Variants in PLCH1 observed in about 807,000 individuals in gnomAD.
The protein encoded by PLCH1 is phospholipase C eta 1.
Under a neutral mutation model 126.7 loss-of-function variants are expected in PLCH1, and 60 were observed. That is an observed-to-expected ratio of 0.47 (90% CI 0.38 to 0.59). PLCH1 has a LOEUF of 0.59. PLCH1 is among the 20% of genes least tolerant of loss of function. The pLI is 0.00. For missense variants in PLCH1, 1,723 were observed against 2,040.0 expected (o/e 0.84, Z 2.99); for synonymous variants, 719 against 734.9 (o/e 0.98, Z 0.35).
At chr3:155,518,692 T>C (rs995717621) in intron 11 of PLCH1, among the ~76,000 whole-genome samples, 2 of 151,850 alleles carry the variant, frequency 1.3e-5, no homozygotes, top group African/African-American at 4.8e-5. Flanking sequence ...ACGCATTTGA[T>C]CAAGACCCAG....
intron 2 of PLCH1, among the ~76,000 whole-genome samples, chr3:155,631,547 T>C (rs1350179531): frequency 6.6e-6 from 1 of 152,206 alleles, no homozygotes; most frequent in African/African-American, 2.4e-5. Context: ...CCCTGAAGGA[T>C]TGTTCACAGA....
rs79101122 is a variant in PLCH1, at chr3:155,481,240, C to A, written c.4786G>T (p.Val1596Phe). The A allele has an allele frequency of 3.7e-6, 6 of 1,614,228 alleles. No individual in the cohort carries two copies. The East Asian group carries it at 1.1e-4, about 30-fold the overall frequency. The change falls in exon 23 of 23, where the codon GTT becomes TTT. Residue 1596 changes from valine to phenylalanine, a missense_variant. Coordinates refer to ENST00000460012, the MANE Select transcript of PLCH1 (RefSeq NM_014996.4). The surrounding 1 kb of genome is among the most constrained non-coding windows in gnomAD (Gnocchi z 4.2). ...CCTGCCCCATTGCTGGGGTTTGGAA[C>A]TTTCTGCTTGTTGGCTTCCTGTTTC... ...KEKQEANKQK[V>F]PNPSNGAGVV...
chr3:155,500,658 G>A (rs959262958), intron 14 of PLCH1, 45 bp downstream of exon 14: 2 of 1,122,104 alleles, frequency 1.8e-6, no homozygotes, highest in Non-Finnish European at 2.7e-6. Flanking sequence ...CAAGGATGGA[G>A]GGGCCTCAGG....
Position 155,697,722 on chromosome 3 carries a change from G to A in PLCH1, c.79+6424C>T, listed in dbSNP as rs1052374584. 3.9e-5 allele frequency among the ~76,000 whole-genome samples: 6 copies of A among 152,188 alleles called. No homozygotes were observed. In the South Asian group the frequency reaches 8.3e-4, roughly 21 times the overall value. Reference sequence around the variant, plus strand: ...TGCCCCAGTGTCCTCAGGGGCACAGGAAGCTGTGCTCTAGCCAGAGGAAAC... The same window carrying A: ...TGCCCCAGTGTCCTCAGGGGCACAGAAAGCTGTGCTCTAGCCAGAGGAAAC... On this transcript the variant is annotated intron_variant, in intron 2 of 22. Coordinates refer to ENST00000460012, the MANE Select transcript of PLCH1 (RefSeq NM_014996.4).
chr3:155,512,487 T>C (rs1719718125), intron 12 of PLCH1, among the ~76,000 whole-genome samples: 3 of 152,144 alleles, frequency 2.0e-5, no homozygotes, highest in African/African-American at 7.2e-5. Flanking sequence ...ACCATCTACC[T>C]GGATTTGAGG....
chr3:155,722,373 G>T (rs563427758), intron 1 of PLCH1, among the ~76,000 whole-genome samples: 142 of 152,112 alleles, frequency 9.3e-4, no homozygotes, highest in African/African-American at 3.4e-3. Flanking sequence ...TGTTGGTCAG[G>T]CTGGTCTGGA....
At chr3:155,667,903 TAAAAAAAAAAAA>T (rs35373040) in intron 2 of PLCH1, among the ~76,000 whole-genome samples, 5 of 75,590 alleles carry the variant, frequency 6.6e-5, no homozygotes, top group Admixed American at 3.3e-4. Context: ...CATCTCTACT[TAAAAAAAAAAAA>T]AAAAAAAAAA....
chr3:155,579,061 C>G (rs1172179941), intron 6 of PLCH1, among the ~76,000 whole-genome samples: 2 of 152,198 alleles, frequency 1.3e-5, no homozygotes, highest in African/African-American at 2.4e-5. Flanking sequence ...ACTGTCCACT[C>G]TTCATCAAAC....
At chr3:155,712,168 C>A (rs1272774618) in intron 1 of PLCH1, among the ~76,000 whole-genome samples, 1 of 152,154 alleles carries the variant, frequency 6.6e-6, no homozygotes, top group Non-Finnish European at 1.5e-5. Flanking sequence ...CCATCATGAG[C>A]TCTCTATTCT....
In PLCH1 at chr3:155,612,908, T is replaced by TAAAAAAAAA. The variant is rs59489759; in HGVS notation, c.80-16539_80-16531dup. 2.6e-3 allele frequency among the ~76,000 whole-genome samples: 249 copies of TAAAAAAAAA among 94,482 alleles called. 2 individuals carry two copies. Among genetic ancestry groups the TAAAAAAAAA allele is most frequent in the East Asian group, 0.012 (30 of 2,486 alleles). 62.0% of individuals were successfully genotyped at this position (94,482 alleles called of 152,430 possible). A position where few individuals can be genotyped will look rare whatever the true frequency, so the allele number is the denominator to read the frequency against. ...GGGCAACAAGAGTGAAACTGTGTATTAAAAAAAAAAAAAAAAAGAAAAGAT... is the reference window on the plus strand; with the variant it reads ...GGGCAACAAGAGTGAAACTGTGTATTAAAAAAAAAAAAAAAAAAAAAAAAAAGAAAAGAT... On this transcript the variant is annotated intron_variant, in intron 2 of 22. Transcript: ENST00000460012.
intron 2 of PLCH1, among the ~76,000 whole-genome samples, chr3:155,675,247 C>T (rs16825249): frequency 0.048 from 7,272 of 152,168 alleles, 458 homozygotes; most frequent in African/African-American, 0.14. Flanking sequence ...ATATGAATAA[C>T]CTGAAATGAC....
chr3:155,602,817 C>T (rs4680197), intron 2 of PLCH1, among the ~76,000 whole-genome samples: 30,957 of 150,016 alleles, frequency 0.21, 4,061 homozygotes, highest in African/African-American at 0.38. Context: ...AAACAGAAAG[C>T]AATCTACACA....
chr3:155,482,124 T>C lies in PLCH1; in HGVS notation c.3902A>G (p.Asn1301Ser). Residue 1301 changes from asparagine (N) to serine (S), a missense_variant, in exon 23 of 23, where the codon AAT (asparagine) becomes AGT (serine). Transcript: ENST00000460012. ...ALESNLPGSP[N>S]TSRGWLPKSP... is the part of the protein sequence containing the mutation. ...TTTTGGTAACCAGCCACGAGAAGTA[T>C]TAGGGGATCCAGGCAGGTTGCTTTC... is the stretch of plus-strand genomic sequence containing the variant. The C allele has an allele frequency of 6.2e-7, 1 of 1,614,076 alleles. No homozygotes were observed. Among genetic ancestry groups the C allele is most frequent in the African/African-American group, 1.3e-5 (1 of 75,044 alleles).
intron 2 of PLCH1, among the ~76,000 whole-genome samples, chr3:155,600,343 C>T (rs1278749697): frequency 6.6e-6 from 1 of 152,186 alleles, no homozygotes; most frequent in African/African-American, 2.4e-5. Flanking sequence ...TGATTAACAG[C>T]AGTTACCACC....
chr3:155,557,576 T>A (rs1445064241), intron 8 of PLCH1, among the ~76,000 whole-genome samples: 1 of 152,190 alleles, frequency 6.6e-6, no homozygotes, highest in Non-Finnish European at 1.5e-5. Context: ...CATTCCCAAA[T>A]GGTACTGGCA....
chr3:155,564,753 A>T (rs1277811840), intron 8 of PLCH1, among the ~76,000 whole-genome samples, 162 bp downstream of exon 8: 4 of 152,188 alleles, frequency 2.6e-5, no homozygotes, highest in Non-Finnish European at 4.4e-5. Flanking sequence ...ATAAGGAGCC[A>T]GAGAGAATTA....
intron 21 of PLCH1, among the ~76,000 whole-genome samples, chr3:155,460,304 A>C (rs986544164): frequency 2.0e-5 from 3 of 152,212 alleles, no homozygotes; most frequent in African/African-American, 7.2e-5. Context: ...TGTACTGGAC[A>C]GACAAAAAGT....
intron 6 of PLCH1, among the ~76,000 whole-genome samples, chr3:155,576,979 A>C (rs571548245): frequency 1.3e-5 from 2 of 152,330 alleles, no homozygotes; most frequent in Admixed American, 1.3e-4. Context: ...CTATAATTTC[A>C]CCAGAAATAG....
chr3:155,461,532 A>G lies in PLCH1; in HGVS notation c.2938+23824T>C, dbSNP rs185749546. On this transcript the variant is annotated intron_variant, in intron 21 of 21. Coordinates refer to the PLCH1 transcript ENST00000494598. ...AGTAGTCCAGAAGACACACACAAAA[A>G]ATGTGATTTGTTTGCCCAGACCTTC... Among the ~76,000 whole-genome samples the G allele has an allele frequency of 5.0e-3, 766 of 152,292 alleles. 8 individuals carry two copies. The highest frequency in any genetic ancestry group is 0.017 in the African/African-American group (727 of 41,552).
Sources: gnomAD v4.1 joint callset for allele counts (sites outside exome capture counted in the v4.1 genomes callset) on GRCh38, gnomAD v4.1.1 for gene constraint, Gnocchi (gnomAD v3.1) non-coding constraint, MANE v1.5 for transcripts, NCBI Gene and HGNC (gene_info 2026-07-23, HGNC 2026-07-21) for gene names.